MCM3AP: variants seen among roughly 807,000 people sequenced by gnomAD.
MCM3AP encodes minichromosome maintenance complex component 3 associated protein.
In MCM3AP, 126 loss-of-function variants were observed where a neutral mutation model predicts 184.1. That is an observed-to-expected ratio of 0.68 (90% CI 0.59 to 0.79). MCM3AP has a LOEUF of 0.79. MCM3AP is among the 30% of genes least tolerant of loss of function. MCM3AP has a pLI of 0.00. For synonymous variants in MCM3AP, 1,002 were observed against 979.3 expected, an observed-to-expected ratio of 1.02 and a Z score of -0.43; for missense variants, 2,496 against 2,479.2, an observed-to-expected ratio of 1.01 and a Z score of -0.14.
rs773543685 is a variant in MCM3AP, at chr21:46,272,848, G to A, written c.2197-19C>T. On this transcript the variant is annotated intron_variant, in intron 7 of 27. Transcript: ENST00000291688. ...TGATATCCTGGCCACAGGCGAGGGG[G>A]AGGATCACACACACATTCCCATGCA... is the stretch of plus-strand genomic sequence containing the variant. The A allele has an allele frequency of 1.3e-6, 2 of 1,554,836 alleles. No homozygotes were observed. Among genetic ancestry groups the A allele is most frequent in the Non-Finnish European group, 8.7e-7 (1 of 1,149,478 alleles).
rs564483413 is a variant in MCM3AP, at chr21:46,285,105, G to A, written c.182C>T (p.Ser61Phe). 2.5e-6 allele frequency: 4 copies of A among 1,614,220 alleles called. No individual in the cohort carries two copies. Among genetic ancestry groups the A allele is most frequent in the Admixed American group, 1.7e-5 (1 of 60,024 alleles). ...GFSQVSSFPA[S>F]SGVSHSSSVQ... ...TGAAGAGGAATGACTTACTCCAGAA[G>A]ACGCTGGAAAGCTGGATACCTGTGA... The change falls in exon 1 of 28, where the codon TCT (serine) becomes TTT (phenylalanine). Residue 61 changes from serine (S) to phenylalanine (F), a missense_variant. This residue lies in a region of MCM3AP where 800 missense variants were observed against 717.1 expected (regional missense o/e 1.12). Coordinates refer to ENST00000291688, the MANE Select transcript of MCM3AP (RefSeq NM_003906.5).
rs1400647269 is a variant in MCM3AP at position 46,270,483 on chromosome 21, C to T, written c.2546G>A (p.Ser849Asn). The T allele has an allele frequency of 1.2e-6, 2 of 1,613,938 alleles. No individual in the cohort carries two copies. Among genetic ancestry groups the T allele is most frequent in the African/African-American group, 2.7e-5 (2 of 75,048 alleles). Residue 849 changes from serine (S) to asparagine (N), a missense_variant, in exon 9 of 28, where the codon AGT becomes AAT. Physicochemically the swap from Ser to Asn is conservative, Grantham distance 46 (BLOSUM62 1). Transcript: ENST00000291688. ...TTTGAAAAATCTCACAAAATTATTA[C>T]TGTTCAATGCAGCAAAAGCCTGAAC... is the stretch of plus-strand genomic sequence containing the variant. ...FAVQAFAALN[S>N]NNFVRFFKLV... is the part of the protein sequence containing the mutation.
At chr21:46,256,459 T>C in intron 17 of MCM3AP, 1 of 344,454 alleles carries the variant, frequency 2.9e-6, no homozygotes, top group Admixed American at 4.3e-5. Flanking sequence ...CTCCGGCTCC[T>C]CCAACAAGGA....
chr21:46,243,941 C>T (rs1225042884), intron 23 of MCM3AP, among the ~76,000 whole-genome samples: 1 of 152,178 alleles, frequency 6.6e-6, no homozygotes, highest in Non-Finnish European at 1.5e-5. Flanking sequence ...CCAAGTTCTA[C>T]CCAGAAGTTC....
At chr21:46,254,696 G>A in intron 18 of MCM3AP, 80 bp downstream of exon 18, 1 of 1,438,658 alleles carries the variant, frequency 7.0e-7, no homozygotes, top group Non-Finnish European at 9.8e-7. Context: ...AGTTGGAGAT[G>A]CATGAAGGGG....
chr21:46,236,497 T>C (rs2080527686), intron 27 of MCM3AP, among the ~76,000 whole-genome samples: 1 of 152,232 alleles, frequency 6.6e-6, no homozygotes, highest in Non-Finnish European at 1.5e-5. Flanking sequence ...GAGGTCTGGG[T>C]AATGCCAAAG....
chr21:46,263,780 C>A (rs1319323642), intron 13 of MCM3AP, among the ~76,000 whole-genome samples: 2 of 28,330 alleles, frequency 7.1e-5, no homozygotes, highest in Non-Finnish European at 1.1e-4. Context: ...GACTCCATCT[C>A]AAAAAAAAAA....
chr21:46,266,377 G>A (rs930360890), intron 10 of MCM3AP: 7 of 459,714 alleles, frequency 1.5e-5, no homozygotes, highest in Non-Finnish European at 2.7e-5. Flanking sequence ...ACAGACGCAC[G>A]CTGACTCACT....
chr21:46,285,498 G>A lies in MCM3AP; in HGVS notation c.-212C>T, dbSNP rs1488148092. The A allele has an allele frequency of 5.4e-6, 3 of 559,580 alleles. No individual in the cohort carries two copies. Among genetic ancestry groups the A allele is most frequent in the Non-Finnish European group, 3.1e-6 (1 of 317,642 alleles). The allele number at this position is 559,580 out of a possible 1,614,324, so 34.7% of individuals were successfully genotyped here. A position where few individuals can be genotyped will look rare whatever the true frequency, so the allele number is the denominator to read the frequency against. ...TAAAAGGATAACTATTTCAAAGGCAGGCAAAGGGTTATTATTTTCTGAGAG... is the reference window on the plus strand; with the variant it reads ...TAAAAGGATAACTATTTCAAAGGCAAGCAAAGGGTTATTATTTTCTGAGAG... On this transcript the variant is annotated 5_prime_UTR_variant, in exon 1 of 28. Transcript: ENST00000291688.
chr21:46,264,695 C>A (rs1601524145), intron 12 of MCM3AP, among the ~76,000 whole-genome samples: 1 of 152,164 alleles, frequency 6.6e-6, no homozygotes, highest in Admixed American at 6.5e-5. Context: ...AAGGGGCTCA[C>A]CCACCCCCAG....
chr21:46,254,364 A>C, intron 19 of MCM3AP, 28 bp downstream of exon 19: 1 of 1,612,686 alleles, frequency 6.2e-7, no homozygotes, highest in Non-Finnish European at 8.5e-7. Context: ...ACCTCTTGGA[A>C]ACCCCACAGG....
chr21:46,235,268 T>C lies in MCM3AP; in HGVS notation c.5943A>G (p.Ter1981TrpextTer3), dbSNP rs1480183868. The C allele has an allele frequency of 1.2e-6, 2 of 1,614,046 alleles. No individual in the cohort carries two copies. The highest frequency in any genetic ancestry group is 1.7e-6 in the Non-Finnish European group (2 of 1,180,024). Residue 1981 changes from the stop codon to tryptophan, a stop_lost, in exon 28 of 28, where the codon TGA (stop) becomes TGG (tryptophan). Coordinates refer to ENST00000291688, the MANE Select transcript of MCM3AP (RefSeq NM_003906.5). ...ACCCCCTCCCCACAGGTCAGGCTGCTCAAATGTCCACCATGTCTAGCAGCG... is the reference window on the plus strand; with the variant it reads ...ACCCCCTCCCCACAGGTCAGGCTGCCCAAATGTCCACCATGTCTAGCAGCG... ...LSALLDMVDI[*>W]
intron 2 of MCM3AP, among the ~76,000 whole-genome samples, chr21:46,281,861 A>G (rs2034781740): frequency 6.6e-6 from 1 of 152,046 alleles, no homozygotes; most frequent in African/African-American, 2.4e-5. Context: ...TTAGCCAGGC[A>G]TGGTGGTGCA....
At chr21:46,236,281 T>G (rs2080523524) in intron 27 of MCM3AP, 1 of 152,274 alleles carries the variant, frequency 6.6e-6, no homozygotes, top group African/African-American at 2.4e-5. Flanking sequence ...CACATATCTG[T>G]GATTGAAACT....
rs2080546741 is a variant in MCM3AP, at chr21:46,237,065, CTT to C, written c.5634-88_5634-87del. 7 of 562,312 alleles carry C rather than the reference CTT, an allele frequency of 1.2e-5. No homozygotes were observed. The South Asian group carries it at 4.8e-4, about 39-fold the overall frequency. 34.8% of individuals were successfully genotyped at this position (562,312 alleles called of 1,614,324 possible). A position where few individuals can be genotyped will look rare whatever the true frequency, so the allele number is the denominator to read the frequency against. On this transcript the variant is annotated intron_variant, in intron 26 of 27. Coordinates refer to ENST00000291688, the MANE Select transcript of MCM3AP (RefSeq NM_003906.5). The stretch of plus-strand genomic sequence containing the variant: ...TTAATCTTCTATATATACTTAAAAA[CTT>C]TTTAAGCCTTTGCTTTTTTAAAATT...
chr21:46,236,240 T>A (rs1318875622), intron 27 of MCM3AP: 1 of 152,260 alleles, frequency 6.6e-6, no homozygotes, highest in Non-Finnish European at 1.5e-5. Flanking sequence ...CTAAAGCCAG[T>A]CCAGGAGCAC....
chr21:46,272,602 G>A lies in MCM3AP; in HGVS notation c.2424C>T (p.Gly808=). The part of the protein sequence containing the change: ...VFCASEAEFQ[G]YNVLLSLNKG... ...TGTTGAGACTGAGCAGAACATTGTA[G>A]CCCTGGAACTCCGCTTCGCTGGCAC... Residue 808 remains glycine, a synonymous_variant, in exon 8 of 28, where the codon GGC becomes GGT. Coordinates refer to ENST00000291688, the MANE Select transcript of MCM3AP (RefSeq NM_003906.5). The A allele has an allele frequency of 2.5e-6, 4 of 1,614,158 alleles. No individual in the cohort carries two copies. Among genetic ancestry groups the A allele is most frequent in the Non-Finnish European group, 3.4e-6 (4 of 1,180,020 alleles).
rs2081369125 is a variant in MCM3AP, at chr21:46,284,141, C to T, written c.1146G>A (p.Gln382=). ...SDHMAIPGGN[Q]SVLAPSRIPG... ...GAATCCGGGAAGGTGCCAGGACAGA[C>T]TGATTCCCTCCTGGGATAGCCATGT... Residue 382 remains glutamine (Q), a synonymous_variant, in exon 1 of 28, where the codon CAG becomes CAA. Coordinates refer to ENST00000291688, the MANE Select transcript of MCM3AP (RefSeq NM_003906.5). The T allele has an allele frequency of 6.2e-7, 1 of 1,614,112 alleles. No homozygotes were observed. Among genetic ancestry groups the T allele is most frequent in the African/African-American group, 1.3e-5 (1 of 74,936 alleles).
intron 5 of MCM3AP, 83 bp from the exon 6 acceptor site, chr21:46,275,408 GA>G (rs2081243347): frequency 2.5e-6 from 3 of 1,215,530 alleles, no homozygotes; most frequent in Non-Finnish European, 3.4e-6. Context: ...ATGATAAAAA[GA>G]AATTAAAACT....
Sources: allele counts gnomAD v4.1 joint callset (sites outside exome capture counted in the v4.1 genomes callset), GRCh38; gene constraint gnomAD v4.1.1; regional missense constraint gnomAD v4.1.1; transcripts MANE v1.5; gene names NCBI Gene and HGNC (gene_info 2026-07-23, HGNC 2026-07-21).